Variants in MYH13 observed in about 807,000 individuals in gnomAD.
MYH13 encodes myosin-13.
In MYH13, 177 loss-of-function variants were observed where a neutral mutation model predicts 232.1. That is an observed-to-expected ratio of 0.76 (90% CI 0.67 to 0.86). The LOEUF (loss-of-function observed/expected upper bound fraction) is 0.86, where lower values mean the gene tolerates loss of function less well. MYH13 is among the 40% of genes least tolerant of loss of function. MYH13 has a pLI of 0.00. For missense variants in MYH13, 2,246 were observed against 2,405.9 expected, an observed-to-expected ratio of 0.93 and a Z score of 1.39; for synonymous variants, 884 against 923.5, an observed-to-expected ratio of 0.96 and a Z score of 0.78.
Position 10,321,693 on chromosome 17 carries a change from C to G in MYH13, c.2950G>C (p.Glu984Gln). 6.2e-7 allele frequency: 1 copy of G among 1,612,472 alleles called. No homozygotes were observed. The highest frequency in any genetic ancestry group is 8.5e-7 in the Non-Finnish European group (1 of 1,179,270). ...TTTTCTTCAAGTGCTGTCATTTCTT[C>G]GGAAAGATTCTTTACCTGGGACAAT... is the stretch of plus-strand genomic sequence containing the variant. Reference protein sequence around the residue: ...ATENKVKNLSEEMTALEENIS... With the variant: ...ATENKVKNLSQEMTALEENIS... Residue 984 changes from glutamate to glutamine, a missense_variant, in exon 24 of 41, where the codon GAA (glutamate) becomes CAA (glutamine). Coordinates refer to ENST00000252172, the MANE Select transcript of MYH13 (RefSeq NM_003802.3).
chr17:10,323,926 A>G, intron 23 of MYH13, 96 bp downstream of exon 23: 1 of 1,491,298 alleles, frequency 6.7e-7, no homozygotes, highest in Non-Finnish European at 9.0e-7. Flanking sequence ...GGGCAATGTT[A>G]TATTGACTGG....
rs1020072838 is a variant in MYH13 at position 10,372,214 on chromosome 17, T to C, written c.-64+765A>G. Among the ~76,000 whole-genome samples, 9 of 152,310 alleles carry C rather than the reference T, an allele frequency of 5.9e-5. No homozygotes were observed. In the East Asian group the frequency reaches 1.7e-3, roughly 29 times the overall value. Reference sequence around the variant, plus strand: ...TCTGAATCCTCAATTTAAAAAAATATGGAGGCAGAGCTACAGAAATTCTAA... The same window carrying C: ...TCTGAATCCTCAATTTAAAAAAATACGGAGGCAGAGCTACAGAAATTCTAA... On this transcript the variant is annotated intron_variant, in intron 1 of 40. Transcript: ENST00000252172.
chr17:10,353,137 T>C (rs2071723053), intron 11 of MYH13, among the ~76,000 whole-genome samples: 1 of 152,180 alleles, frequency 6.6e-6, no homozygotes, highest in Non-Finnish European at 1.5e-5. Context: ...AATCAAGCTG[T>C]TTCTGTATGT....
At position 10,362,219 on chromosome 17, in the gene MYH13, T is replaced by C. The variant is rs748861785; in HGVS notation, c.404A>G (p.Tyr135Cys). Residue 135 changes from tyrosine (Y) to cysteine (C), a missense_variant, in exon 5 of 41, where the codon TAC becomes TGC. Transcript: ENST00000252172. ...GTAGGCAGCCACCACCTCGGGCTTG[T>C]ACACCGGCAGCCACTTGTAGGGGTT... ...TVNPYKWLPV[Y>C]KPEVVAAYRG... The C allele has an allele frequency of 5.0e-6, 8 of 1,613,738 alleles. No individual in the cohort carries two copies. In the African/African-American group the frequency reaches 9.3e-5, roughly 19 times the overall value.
intron 16 of MYH13, 48 bp downstream of exon 16, chr17:10,343,752 T>G (rs1033954415): frequency 6.6e-7 from 1 of 1,520,456 alleles, no homozygotes; most frequent in Non-Finnish European, 8.8e-7. Context: ...GGGTTAGGAG[T>G]CATTACATAG....
chr17:10,303,103 T>G, intron 39 of MYH13, 93 bp downstream of exon 39: 2 of 1,065,088 alleles, frequency 1.9e-6, no homozygotes, highest in Non-Finnish European at 2.8e-6. Context: ...GGCCTGAGGC[T>G]CAGGGGACTT....
Position 10,306,445 on chromosome 17 carries a change from C to A in MYH13, c.5466+14G>T. 3.1e-6 allele frequency: 5 copies of A among 1,614,082 alleles called. No homozygotes were observed. The highest frequency in any genetic ancestry group is 3.4e-6 in the Non-Finnish European group (4 of 1,179,990). ...CTGTCACTTTCAGAGTAACAGTCCTCTCAAAAACTCTACCCGGTTCTCCAG... is the reference window on the plus strand; with the variant it reads ...CTGTCACTTTCAGAGTAACAGTCCTATCAAAAACTCTACCCGGTTCTCCAG... On this transcript the variant is annotated intron_variant, in intron 37 of 40. Coordinates refer to ENST00000252172, the MANE Select transcript of MYH13 (RefSeq NM_003802.3). This position sits in a 1 kb window ranked among gnomAD's most constrained non-coding sequence, Gnocchi z 4.3.
At chr17:10,313,067 G>A in intron 30 of MYH13, 91 bp downstream of exon 30, 2 of 1,576,772 alleles carry the variant, frequency 1.3e-6, no homozygotes, top group South Asian at 1.1e-5. Context: ...AAAGGCGTGG[G>A]CAGGAAAGAA....
At chr17:10,347,486 T>G (rs541803564) in intron 12 of MYH13, among the ~76,000 whole-genome samples, 1 of 152,338 alleles carries the variant, frequency 6.6e-6, no homozygotes, top group East Asian at 1.9e-4. Flanking sequence ...CTTCCTAATT[T>G]AAGCAAAGTA....
intron 8 of MYH13, 114 bp from the exon 9 acceptor site, chr17:10,355,261 AG>A: frequency 8.8e-7 from 1 of 1,137,530 alleles, no homozygotes; most frequent in African/African-American, 1.5e-5. Context: ...GCTAGAGAAC[AG>A]AACTGAAGGC....
rs773949729 is a variant in MYH13 at position 10,320,200 on chromosome 17, C to G, written c.3301G>C (p.Glu1101Gln). ...LSQLQAKIDD[E>Q]QVHSLQFQKK... ...TGAAACTGCAAACTGTGGACTTGTT[C>G]GTCATCTATTTTGGCTTGTAACTGA... The change falls in exon 26 of 41, where the codon GAA (glutamate) becomes CAA (glutamine). Residue 1101 changes from glutamate to glutamine, a missense_variant. Coordinates refer to ENST00000252172, the MANE Select transcript of MYH13 (RefSeq NM_003802.3). The G allele has an allele frequency of 6.2e-7, 1 of 1,603,980 alleles. No individual in the cohort carries two copies. Among genetic ancestry groups the G allele is most frequent in the Non-Finnish European group, 8.5e-7 (1 of 1,174,868 alleles).
chr17:10,323,817 G>GAAAGAAGAAGAAAGAAGAAGA (rs1491134811), intron 23 of MYH13, among the ~76,000 whole-genome samples: 1 of 141,268 alleles, frequency 7.1e-6, no homozygotes, highest in African/African-American at 2.7e-5. Flanking sequence ...AGAAGAAGAA[G>GAAAGAAGAAGAAAGAAGAAGA]AAGAAGAAGA....
chr17:10,333,801 G>C (rs901938991), intron 18 of MYH13, among the ~76,000 whole-genome samples: 1 of 152,092 alleles, frequency 6.6e-6, no homozygotes, highest in Non-Finnish European at 1.5e-5. Flanking sequence ...CCAGCTACTT[G>C]GGAGGCTGAG....
chr17:10,355,588 C>T (rs1334688065), intron 8 of MYH13, among the ~76,000 whole-genome samples: 1 of 152,142 alleles, frequency 6.6e-6, no homozygotes, highest in African/African-American at 2.4e-5. Context: ...AACATGGGCA[C>T]CTCTCCACCG....
chr17:10,319,243 C>A, intron 26 of MYH13, 64 bp from the exon 27 acceptor site: 1 of 1,525,532 alleles, frequency 6.6e-7, no homozygotes, highest in Non-Finnish European at 8.8e-7. Context: ...TTGAGAGGGG[C>A]TGGGTGTTGA....
chr17:10,341,751 C>T (rs773263088), intron 16 of MYH13, among the ~76,000 whole-genome samples: 4 of 152,056 alleles, frequency 2.6e-5, no homozygotes, highest in Non-Finnish European at 4.4e-5. Flanking sequence ...TATCTCTAGG[C>T]GAGGTTATGC....
Position 10,309,775 on chromosome 17 carries a change from T to A in MYH13, c.4712A>T (p.Gln1571Leu). Residue 1571 changes from glutamine (Q) to leucine (L), a missense_variant, in exon 34 of 41, where the codon CAG becomes CTG. Physicochemically the swap from Gln to Leu is moderately radical, Grantham distance 113 (BLOSUM62 -2). Coordinates refer to ENST00000252172, the MANE Select transcript of MYH13 (RefSeq NM_003802.3). ...KILRVQLELS[Q>L]VKSELDRKVI... ...CTTGCGGTCTAGCTCGGATTTCACC[T>A]GGCTCAGCTCTAGCTGCACGCGCAA... 6.2e-7 allele frequency: 1 copy of A among 1,600,382 alleles called. No individual in the cohort carries two copies. The highest frequency in any genetic ancestry group is 8.5e-7 in the Non-Finnish European group (1 of 1,173,306).
intron 2 of MYH13, among the ~76,000 whole-genome samples, chr17:10,366,818 A>G (rs1338330759): frequency 6.6e-6 from 1 of 152,186 alleles, no homozygotes; most frequent in Admixed American, 6.5e-5. Flanking sequence ...CATTGTTGAA[A>G]TATCCTTTCC....
At chr17:10,366,383 T>TTTTTTTTTTG in intron 2 of MYH13, among the ~76,000 whole-genome samples, 1 of 143,278 alleles carries the variant, frequency 7.0e-6, no homozygotes, top group African/African-American at 2.6e-5. Context: ...ATAAATCTGT[T>TTTTTTTTTTG]TTTTTTTTTT....
Sources: allele counts gnomAD v4.1 joint callset (sites outside exome capture counted in the v4.1 genomes callset), GRCh38; gene constraint gnomAD v4.1.1; non-coding constraint Gnocchi (gnomAD v3.1); transcripts MANE v1.5; gene names NCBI Gene and HGNC (gene_info 2026-07-23, HGNC 2026-07-21).